TRAPPC9: variants seen among roughly 807,000 people sequenced by gnomAD.
TRAPPC9 encodes the protein trafficking protein particle complex subunit 9, also known as IKK2 binding protein.
In TRAPPC9, 83 loss-of-function variants were observed where a neutral mutation model predicts 124.0. The observed-to-expected ratio is 0.67, with a 90% CI of 0.56 to 0.80. TRAPPC9 has a LOEUF of 0.80. Among genes scored for constraint, TRAPPC9 ranks in the 30% least tolerant of loss-of-function variants. TRAPPC9 has a pLI of 0.00. For missense variants in TRAPPC9, 1,302 were observed against 1,508.3 expected (o/e 0.86, Z 2.27); for synonymous variants, 638 against 617.5 (o/e 1.03, Z -0.49).
chr8:140,359,999 C>G, intron 9 of TRAPPC9, 51 bp downstream of exon 9: 1 of 1,612,770 alleles, frequency 6.2e-7, no homozygotes, highest in Non-Finnish European at 8.5e-7. Flanking sequence ...ATCTAAAGTG[C>G]TCTCATTCAC....
chr8:140,054,614 T>G (rs1435016458), intron 17 of TRAPPC9, among the ~76,000 whole-genome samples: 1 of 152,068 alleles, frequency 6.6e-6, no homozygotes, highest in African/African-American at 2.4e-5. Flanking sequence ...AACAACTAAA[T>G]TTTTAGAAAA....
chr8:139,937,479 C>T (rs899805413), intron 19 of TRAPPC9, among the ~76,000 whole-genome samples: 3 of 152,144 alleles, frequency 2.0e-5, no homozygotes, highest in Admixed American at 6.5e-5. Context: ...GAGCCCAAGG[C>T]GCTGCGGGGA....
At chr8:140,169,064 A>G (rs2061908474) in intron 17 of TRAPPC9, among the ~76,000 whole-genome samples, 1 of 152,218 alleles carries the variant, frequency 6.6e-6, no homozygotes, top group African/African-American at 2.4e-5. Flanking sequence ...TGCATGAGGT[A>G]AGCAAGGGGG....
intron 18 of TRAPPC9, among the ~76,000 whole-genome samples, chr8:139,997,257 G>A (rs1838060744): frequency 6.6e-6 from 1 of 152,010 alleles, no homozygotes; most frequent in Non-Finnish European, 1.5e-5. Context: ...GGGAGACAAT[G>A]CAACCCTCAC....
chr8:139,963,087 C>T (rs775686071), intron 19 of TRAPPC9, among the ~76,000 whole-genome samples: 39 of 152,312 alleles, frequency 2.6e-4, no homozygotes, highest in African/African-American at 5.1e-4. Context: ...TAACGAGAGA[C>T]GGAGGTGTCT....
chr8:140,252,175 G>A lies in TRAPPC9; in HGVS notation c.2431+602C>T, dbSNP rs1463056870. 2.6e-5 allele frequency among the ~76,000 whole-genome samples: 4 copies of A among 151,934 alleles called. No individual in the cohort carries two copies. The highest frequency in any genetic ancestry group is 2.1e-4 in the South Asian group (1 of 4,814). The stretch of plus-strand genomic sequence containing the variant: ...TGAGTAGCTGGGATTACAGGCATGC[G>A]CCACCATGCCCGACGAATTTTTGTA... On this transcript the variant is annotated intron_variant, in intron 16 of 22. Coordinates refer to ENST00000438773, the MANE Select transcript of TRAPPC9 (RefSeq NM_001160372.4). This position sits in a 1 kb window ranked among gnomAD's most constrained non-coding sequence, Gnocchi z 4.2.
At chr8:139,743,152 A>G (rs1202118031) in intron 21 of TRAPPC9, among the ~76,000 whole-genome samples, 1 of 152,126 alleles carries the variant, frequency 6.6e-6, no homozygotes, top group Non-Finnish European at 1.5e-5. Context: ...AATTACAGTG[A>G]CAGCGGAATG....
intron 21 of TRAPPC9, among the ~76,000 whole-genome samples, chr8:139,767,747 G>A (rs548165429): frequency 1.1e-3 from 160 of 152,346 alleles, no homozygotes; most frequent in Non-Finnish European, 1.9e-3. Context: ...GTGGCAAGGC[G>A]CCAGGCCTCT....
At chr8:139,998,109 A>G (rs1006042269) in intron 18 of TRAPPC9, among the ~76,000 whole-genome samples, 1 of 152,266 alleles carries the variant, frequency 6.6e-6, no homozygotes, top group African/African-American at 2.4e-5. Flanking sequence ...AAATTTTTCT[A>G]AAGTCTGAAG....
At chr8:140,401,412 TC>T (rs1446737203) in intron 6 of TRAPPC9, among the ~76,000 whole-genome samples, 1 of 152,046 alleles carries the variant, frequency 6.6e-6, no homozygotes, top group Admixed American at 6.5e-5. Context: ...AACAATGAAG[TC>T]AGAAATCTAT....
chr8:140,177,122 C>A (rs925540522), intron 17 of TRAPPC9, among the ~76,000 whole-genome samples: 3 of 152,096 alleles, frequency 2.0e-5, no homozygotes, highest in African/African-American at 7.2e-5. Flanking sequence ...TTAAAAGTGG[C>A]TTTTGAAGAG....
intron 16 of TRAPPC9, among the ~76,000 whole-genome samples, chr8:140,237,497 A>G (rs931957707): frequency 6.6e-6 from 1 of 152,026 alleles, no homozygotes; most frequent in Non-Finnish European, 1.5e-5. Flanking sequence ...CTGTAAGTCC[A>G]GTTAAATCTC....
intron 19 of TRAPPC9, among the ~76,000 whole-genome samples, chr8:139,938,247 T>G (rs555726612): frequency 6.6e-6 from 1 of 152,180 alleles, no homozygotes; most frequent in African/African-American, 2.4e-5. Flanking sequence ...CGAAATCAGA[T>G]AGAAAACCAC....
At position 139,885,954 on chromosome 8, in the gene TRAPPC9, T is replaced by C; in HGVS notation, c.2980A>G (p.Ser994Gly). The C allele has an allele frequency of 6.4e-7, 1 of 1,568,228 alleles. No homozygotes were observed. ...ICWRIPSLKR[S>G]GEASVEGLLN... Reference sequence around the variant, plus strand: ...AGTCCTTCCACACTCGCCTCGCCACTGCGCTTCAGGGAGGGGTGAGCCTTG... The same window carrying C: ...AGTCCTTCCACACTCGCCTCGCCACCGCGCTTCAGGGAGGGGTGAGCCTTG... The change falls in exon 21 of 23, where the codon AGT becomes GGT. Residue 994 changes from serine (S) to glycine (G), a missense_variant. Ser to Gly is a moderately conservative substitution (Grantham distance 56). Coordinates refer to ENST00000438773, the MANE Select transcript of TRAPPC9 (RefSeq NM_001160372.4).
At chr8:139,791,392 C>A (rs1822661904) in intron 21 of TRAPPC9, among the ~76,000 whole-genome samples, 1 of 148,176 alleles carries the variant, frequency 6.7e-6, no homozygotes, top group African/African-American at 2.6e-5. Context: ...AGGTACCCGT[C>A]TCCACTGCAC....
intron 9 of TRAPPC9, among the ~76,000 whole-genome samples, chr8:140,323,811 C>A (rs927164877): frequency 3.3e-5 from 5 of 151,994 alleles, no homozygotes; most frequent in African/African-American, 1.2e-4. Context: ...AGACTTGAAC[C>A]CATCCACACA....
chr8:139,802,660 T>G (rs983714681), intron 21 of TRAPPC9, among the ~76,000 whole-genome samples: 4 of 152,158 alleles, frequency 2.6e-5, no homozygotes, highest in African/African-American at 4.8e-5. Flanking sequence ...TGAGTAATAC[T>G]CTCTTTTACG....
intron 17 of TRAPPC9, among the ~76,000 whole-genome samples, chr8:140,155,491 C>T (rs2061613229): frequency 6.6e-6 from 1 of 152,092 alleles, no homozygotes; most frequent in Non-Finnish European, 1.5e-5. Flanking sequence ...ACATGAAAGC[C>T]GGGAACAAGG....
At chr8:140,401,002 G>T (rs1262931123) in intron 6 of TRAPPC9, among the ~76,000 whole-genome samples, 1 of 152,142 alleles carries the variant, frequency 6.6e-6, no homozygotes, top group Non-Finnish European at 1.5e-5. Context: ...TAAAGAAAGG[G>T]TTTATAGAGG....
Sources: allele counts gnomAD v4.1 joint callset (sites outside exome capture counted in the v4.1 genomes callset), GRCh38; gene constraint gnomAD v4.1.1; non-coding constraint Gnocchi (gnomAD v3.1); transcripts MANE v1.5; gene names NCBI Gene and HGNC (gene_info 2026-07-23, HGNC 2026-07-21).